Variants in CSRNP2 observed in about 807,000 individuals in gnomAD.
CSRNP2 encodes the protein cysteine and serine rich nuclear protein 2.
Under a neutral mutation model 36.6 loss-of-function variants are expected in CSRNP2, and 11 were observed. That is an observed-to-expected ratio of 0.30 (90% confidence interval 0.19 to 0.50). The LOEUF (loss-of-function observed/expected upper bound fraction) is 0.50, where lower values mean the gene tolerates loss of function less well. Among genes scored for constraint, CSRNP2 ranks in the 20% least tolerant of loss-of-function variants. The pLI is 0.98. For synonymous variants in CSRNP2, 248 were observed against 275.3 expected (o/e 0.90, Z 0.98); for missense variants, 483 against 691.4 (o/e 0.70, Z 3.38).
chr12:51,075,301 G>A (rs560509888), intron 2 of CSRNP2, among the ~76,000 whole-genome samples: 2 of 152,006 alleles, frequency 1.3e-5, no homozygotes, highest in East Asian at 2.0e-4. Flanking sequence ...TTGTAGAGAC[G>A]AGGTTTCGCC....
Position 51,079,387 on chromosome 12 carries a change from A to C in CSRNP2, c.-86-2740T>G, listed in dbSNP as rs544044371. On this transcript the variant is annotated intron_variant, in intron 1 of 4. Transcript: ENST00000228515. ...AAAAAAAAAAGATACCGATCGACAA[A>C]CAAATTTCTCATTCCATTCTATTGT... Among the ~76,000 whole-genome samples, 25 of 152,082 alleles carry C rather than the reference A, an allele frequency of 1.6e-4. No individual in the cohort carries two copies. The South Asian group carries it at 5.2e-3, about 32-fold the overall frequency.
chr12:51,067,679 T>G lies in CSRNP2; in HGVS notation c.702A>C (p.Lys234Asn). The change falls in exon 4 of 5, where the codon AAA (lysine) becomes AAC (asparagine). Residue 234 changes from lysine (K) to asparagine (N), a missense_variant. Physicochemically the swap from Lys to Asn is moderately conservative, Grantham distance 94. Around this residue, in one of 2 missense-constraint regions of CSRNP2, gnomAD observed 206 missense variants for 367.8 expected, o/e 0.56. Coordinates refer to ENST00000228515, the MANE Select transcript of CSRNP2 (RefSeq NM_030809.3). This position sits in a 1 kb window ranked among gnomAD's most constrained non-coding sequence, Gnocchi z 4.1. ...CAGGCCAACTTGGACTGACCTGGCA[T>G]TTAATCCCAGCCTGGCTGCAGGCAC... ...EACACSQAGI[K>N]CQVDRMSFPC... The G allele has an allele frequency of 6.2e-7, 1 of 1,613,254 alleles. No homozygotes were observed. The highest frequency in any genetic ancestry group is 8.5e-7 in the Non-Finnish European group (1 of 1,179,388).
intron 4 of CSRNP2, among the ~76,000 whole-genome samples, chr12:51,066,118 G>A (rs1395342735): frequency 2.0e-5 from 3 of 152,080 alleles, no homozygotes; most frequent in Non-Finnish European, 4.4e-5. Flanking sequence ...TCAGGCGTTT[G>A]AGACCTGCCC....
chr12:51,065,372 A>G (rs1938059836), intron 4 of CSRNP2, among the ~76,000 whole-genome samples: 1 of 152,242 alleles, frequency 6.6e-6, no homozygotes, highest in African/African-American at 2.4e-5. Flanking sequence ...TCATATTCCA[A>G]CAGGAAAAAC....
At chr12:51,081,012 G>C (rs956486224) in intron 1 of CSRNP2, among the ~76,000 whole-genome samples, 1 of 152,134 alleles carries the variant, frequency 6.6e-6, no homozygotes, top group Non-Finnish European at 1.5e-5. Context: ...AATTGGCCCG[G>C]CATGGTGGCA....
chr12:51,067,713 G>GGGTCACAATACAGTCGGC lies in CSRNP2; in HGVS notation c.650_667dup (p.Asp222_Pro223insArgArgLeuTyrCysAsp). ...AGCCTGGCTGCAGGCACACGCTTCT[G>GGGTCACAATACAGTCGGC]GGTCACAATACAGTCGGCAGTCACA... On this transcript the variant is annotated inframe_insertion, in exon 4 of 5. Coordinates refer to ENST00000228515, the MANE Select transcript of CSRNP2 (RefSeq NM_030809.3). This position sits in a 1 kb window ranked among gnomAD's most constrained non-coding sequence, Gnocchi z 4.1. 1 of 1,614,152 alleles carries GGGTCACAATACAGTCGGC rather than the reference G, an allele frequency of 6.2e-7. No individual in the cohort carries two copies.
At position 51,076,636 on chromosome 12, in the gene CSRNP2, T is replaced by A; in HGVS notation, c.-75A>T. 1.3e-6 allele frequency: 2 copies of A among 1,549,276 alleles called. No homozygotes were observed. Among genetic ancestry groups the A allele is most frequent in the Non-Finnish European group, 1.8e-6 (2 of 1,127,276 alleles). On this transcript the variant is annotated 5_prime_UTR_variant, in exon 2 of 5. Transcript: ENST00000228515. ...CCCTACTCACCACCAGCTAGCCAGG[T>A]ACATTAGGATTCTGCCCAGGGAAAA... is the stretch of plus-strand genomic sequence containing the variant.
intron 3 of CSRNP2, among the ~76,000 whole-genome samples, chr12:51,070,247 T>C (rs935064742): frequency 6.6e-6 from 1 of 152,206 alleles, no homozygotes; most frequent in African/African-American, 2.4e-5. Context: ...AGAGATGTGA[T>C]GCAATGGGCT....
At chr12:51,081,167 C>T (rs1374702728) in intron 1 of CSRNP2, among the ~76,000 whole-genome samples, 3 of 151,924 alleles carry the variant, frequency 2.0e-5, no homozygotes, top group Admixed American at 6.6e-5. Flanking sequence ...GTGAGCCTGT[C>T]GTCTCAGCTA....
In CSRNP2 at chr12:51,063,612, C is replaced by T; in HGVS notation, c.*134G>A. 1.5e-6 allele frequency: 1 copy of T among 686,910 alleles called. No homozygotes were observed. The highest frequency in any genetic ancestry group is 2.3e-6 in the Non-Finnish European group (1 of 431,238). 42.6% of individuals were successfully genotyped at this position (686,910 alleles called of 1,614,324 possible). ...TAAAAAATACTCAAACAATCCTTTC[C>T]CACCCATTCCCCAAAGACCCCAATA... On this transcript the variant is annotated 3_prime_UTR_variant, in exon 5 of 5. Coordinates refer to ENST00000228515, the MANE Select transcript of CSRNP2 (RefSeq NM_030809.3).
In CSRNP2 at chr12:51,074,096, A is replaced by G; in HGVS notation, c.152-14T>C. 2 of 1,605,948 alleles carry G rather than the reference A, an allele frequency of 1.2e-6. No individual in the cohort carries two copies. The highest frequency in any genetic ancestry group is 1.7e-4 in the Middle Eastern group (1 of 5,976). On this transcript the variant is annotated splice_polypyrimidine_tract_variant and intron_variant, in intron 2 of 4. Coordinates refer to ENST00000228515, the MANE Select transcript of CSRNP2 (RefSeq NM_030809.3). ...GGATGGATGTGGCTGAGAAGGGAGCACAGAGAGATGTTTTATTTATTTTTC... is the reference window on the plus strand; with the variant it reads ...GGATGGATGTGGCTGAGAAGGGAGCGCAGAGAGATGTTTTATTTATTTTTC...
intron 1 of CSRNP2, among the ~76,000 whole-genome samples, chr12:51,077,785 A>G (rs1939454829): frequency 6.6e-6 from 1 of 152,186 alleles, no homozygotes; most frequent in Non-Finnish European, 1.5e-5. Context: ...GCCCTCTATA[A>G]AGAAATCAGC....
chr12:51,082,752 G>A (rs552455758), intron 1 of CSRNP2: 1 of 152,222 alleles, frequency 6.6e-6, no homozygotes, highest in African/African-American at 2.4e-5. Context: ...TTTCCCACAC[G>A]ACGCCAGAAA....
chr12:51,064,070 C>G lies in CSRNP2; in HGVS notation c.1308G>C (p.Thr436=), dbSNP rs373534394. The change falls in exon 5 of 5, where the codon ACG becomes ACC. Residue 436 remains threonine (T), a synonymous_variant. Coordinates refer to ENST00000228515, the MANE Select transcript of CSRNP2 (RefSeq NM_030809.3). ...TTGGGAAAGAGGCTGAGCCTTCTTC[C>G]GTACCAGGCTCTCCTTTCACTCCCA... ...PVLGVKGEPG[T]EEGSASFPKE... 6.2e-7 allele frequency: 1 copy of G among 1,614,066 alleles called. No homozygotes were observed. The highest frequency in any genetic ancestry group is 1.7e-5 in the Admixed American group (1 of 60,006).
At position 51,074,073 on chromosome 12, in the gene CSRNP2, A is replaced by T. The variant is rs1358226810; in HGVS notation, c.161T>A (p.Ile54Asn). ...CCGCAGCTGCTTCTGCCGCTTCAGG[A>T]TGGATGTGGCTGAGAAGGGAGCACA... The part of the protein sequence containing the change: ...PTTASFTPTS[I>N]LKRQKQLRRK... Residue 54 changes from isoleucine (I) to asparagine (N), a missense_variant, in exon 3 of 5, where the codon ATC (isoleucine) becomes AAC (asparagine). By Grantham distance (149) the Ile-to-Asn change is moderately radical. Transcript: ENST00000228515. The T allele has an allele frequency of 2.5e-6, 4 of 1,614,010 alleles. No individual in the cohort carries two copies. The highest frequency in any genetic ancestry group is 3.4e-6 in the Non-Finnish European group (4 of 1,179,974).
At chr12:51,072,487 C>T (rs74482490) in intron 3 of CSRNP2, among the ~76,000 whole-genome samples, 21,211 of 146,292 alleles carry the variant, frequency 0.14, 1,979 homozygotes, top group East Asian at 0.52. Context: ...GGTGTGAACC[C>T]GGGAGGTGGA....
At chr12:51,066,595 C>T (rs968644250) in intron 4 of CSRNP2, among the ~76,000 whole-genome samples, 4 of 151,026 alleles carry the variant, frequency 2.6e-5, no homozygotes, top group Admixed American at 6.6e-5. Context: ...GAGCCAAGAT[C>T]GCGCCACTGC....
At position 51,064,177 on chromosome 12, in the gene CSRNP2, G is replaced by C. The variant is rs774325667; in HGVS notation, c.1201C>G (p.Pro401Ala). ...VLCFTENSDH[P>A]TASTVNSPSY... ...GGGCTGTTCACCGTTGAGGCAGTTG[G>C]GTGGTCTGAGTTCTCGGTAAAACAC... The change falls in exon 5 of 5, where the codon CCA becomes GCA. Residue 401 changes from proline to alanine, a missense_variant. Physicochemically the swap from Pro to Ala is conservative, Grantham distance 27 (BLOSUM62 -1). Coordinates refer to ENST00000228515, the MANE Select transcript of CSRNP2 (RefSeq NM_030809.3). 1.9e-6 allele frequency: 3 copies of C among 1,614,180 alleles called. No individual in the cohort carries two copies. In the East Asian group the frequency reaches 6.7e-5, roughly 36 times the overall value.
chr12:51,065,073 C>A (rs1388709955), intron 4 of CSRNP2, among the ~76,000 whole-genome samples: 1 of 152,170 alleles, frequency 6.6e-6, no homozygotes, highest in East Asian at 1.9e-4. Context: ...ACCTGGTTCA[C>A]TGAGACAACA....
Sources: gnomAD v4.1 joint callset for allele counts (sites outside exome capture counted in the v4.1 genomes callset) on GRCh38, gnomAD v4.1.1 for gene constraint, gnomAD v4.1.1 regional missense constraint, Gnocchi (gnomAD v3.1) non-coding constraint, MANE v1.5 for transcripts, NCBI Gene and HGNC (gene_info 2026-07-23, HGNC 2026-07-21) for gene names.